Variants in PACRG observed in about 807,000 individuals in gnomAD.
The protein encoded by PACRG is parkin coregulated gene protein.
A neutral mutation model predicts 29.7 loss-of-function variants in PACRG; 29 were observed. That is an observed-to-expected ratio of 0.98 (90% CI 0.73 to 1.33). The LOEUF (loss-of-function observed/expected upper bound fraction) is 1.33. PACRG is among the 40% of genes most tolerant of loss of function. PACRG has a pLI of 0.00. For synonymous variants in PACRG, 116 were observed against 118.7 expected, an observed-to-expected ratio of 0.98 and a Z score of 0.15; for missense variants, 279 against 316.2, an observed-to-expected ratio of 0.88 and a Z score of 0.89.
chr6:162,881,961 T>TTG (rs369753081), intron 2 of PACRG, among the ~76,000 whole-genome samples: 1 of 59,954 alleles, frequency 1.7e-5, no homozygotes, highest in African/African-American at 7.1e-5. Context: ...CAGAGATGGG[T>TTG]GGGGGGGGGC....
chr6:163,234,990 C>T (rs184445729), intron 4 of PACRG, among the ~76,000 whole-genome samples: 27 of 152,068 alleles, frequency 1.8e-4, no homozygotes, highest in East Asian at 1.7e-3. Context: ...AGTTTTAAGA[C>T]GAAAAGACAC....
At chr6:163,020,981 G>A (rs1439053854) in intron 2 of PACRG, among the ~76,000 whole-genome samples, 1 of 152,082 alleles carries the variant, frequency 6.6e-6, no homozygotes, top group Non-Finnish European at 1.5e-5. Context: ...TTCATGACAC[G>A]ATCTCCTCCT....
chr6:163,150,262 G>A (rs1347097503), intron 4 of PACRG, among the ~76,000 whole-genome samples: 3 of 152,204 alleles, frequency 2.0e-5, no homozygotes, highest in Admixed American at 1.3e-4. Flanking sequence ...GATTCAGTAC[G>A]TTATCATAAA....
chr6:162,728,491 G>C, intron 1 of PACRG, 100 bp downstream of exon 1: 1 of 1,444,228 alleles, frequency 6.9e-7, no homozygotes, highest in South Asian at 1.3e-5. Context: ...GCCATGTCCT[G>C]GGTGGTCTTT....
chr6:163,231,148 G>A (rs1275375629), intron 4 of PACRG, among the ~76,000 whole-genome samples: 3 of 152,198 alleles, frequency 2.0e-5, no homozygotes, highest in African/African-American at 7.2e-5. Context: ...CTGGCAAGGT[G>A]GGCAGGCCCA....
At chr6:163,045,063 G>A (rs1205585895) in intron 2 of PACRG, among the ~76,000 whole-genome samples, 1 of 152,140 alleles carries the variant, frequency 6.6e-6, no homozygotes, top group East Asian at 1.9e-4. Flanking sequence ...GGAGGGAGCA[G>A]CCGTTGCGAA....
chr6:163,284,113 CA>C (rs577721431), intron 4 of PACRG, among the ~76,000 whole-genome samples: 30 of 143,530 alleles, frequency 2.1e-4, no homozygotes, highest in African/African-American at 2.6e-4. Flanking sequence ...AACTCTGTCT[CA>C]AAAAAAAAAA....
At chr6:162,857,044 C>T (rs1405756114) in intron 2 of PACRG, among the ~76,000 whole-genome samples, 3 of 152,182 alleles carry the variant, frequency 2.0e-5, no homozygotes, top group Non-Finnish European at 4.4e-5. Context: ...CCTTTGTTTT[C>T]AATCCCTGCT....
chr6:162,800,360 ATAATT>A (rs1478744638), intron 1 of PACRG, among the ~76,000 whole-genome samples: 1 of 152,218 alleles, frequency 6.6e-6, no homozygotes, highest in Non-Finnish European at 1.5e-5. Context: ...TTAAACAAAA[ATAATT>A]TAAAACAAAT....
At position 163,090,638 on chromosome 6, in the gene PACRG, TA is replaced by T. The variant is rs60917052; in HGVS notation, c.613+1231del. ...TTAAACAGTCTTCATTCATAGTTCA[TA>T]TTTTTACCATATAGTAGCAGCAAAT... On this transcript the variant is annotated intron_variant, in intron 4 of 4. Transcript: ENST00000366888. 3.6e-3 allele frequency among the ~76,000 whole-genome samples: 542 copies of T among 152,348 alleles called. 12 individuals carry two copies. The East Asian group carries it at 0.065, about 18-fold the overall frequency.
rs548671074 is a variant in PACRG at position 163,232,314 on chromosome 6, C to T, written c.614-82513C>T. Among the ~76,000 whole-genome samples the T allele has an allele frequency of 3.3e-5, 5 of 152,296 alleles. No homozygotes were observed. The East Asian group carries it at 9.7e-4, about 29-fold the overall frequency. The stretch of plus-strand genomic sequence containing the variant: ...CTGGGGCCTGGCTACTCCAGAGGCT[C>T]CTCCGCTGCTGCAATGTGCCCGAGC... On this transcript the variant is annotated intron_variant, in intron 4 of 4. Coordinates refer to ENST00000366888, the MANE Select transcript of PACRG (RefSeq NM_001080379.2).
At chr6:162,870,726 C>T (rs1792733949) in intron 2 of PACRG, among the ~76,000 whole-genome samples, 1 of 152,156 alleles carries the variant, frequency 6.6e-6, no homozygotes, top group Non-Finnish European at 1.5e-5. Context: ...AATAAAGCCA[C>T]CACAACTGAT....
At chr6:163,141,697 G>A (rs1464886874) in intron 4 of PACRG, among the ~76,000 whole-genome samples, 1 of 151,590 alleles carries the variant, frequency 6.6e-6, no homozygotes, top group African/African-American at 2.4e-5. Context: ...GAGAAAAGAG[G>A]GGCATCGTAG....
At chr6:162,807,218 TCCGTATCAG>T (rs1190623185) in intron 1 of PACRG, among the ~76,000 whole-genome samples, 1 of 152,200 alleles carries the variant, frequency 6.6e-6, no homozygotes, top group Non-Finnish European at 1.5e-5. Context: ...TCAAACTTTT[TCCGTATCAG>T]CAATAAGCCT....
At chr6:163,065,651 T>C (rs925633202) in intron 3 of PACRG, among the ~76,000 whole-genome samples, 4 of 152,162 alleles carry the variant, frequency 2.6e-5, no homozygotes, top group African/African-American at 9.7e-5. Flanking sequence ...ATCTGGCATA[T>C]GAACCAGAAG....
At chr6:162,804,044 G>A (rs1002547274) in intron 1 of PACRG, among the ~76,000 whole-genome samples, 2 of 151,990 alleles carry the variant, frequency 1.3e-5, no homozygotes, top group African/African-American at 2.4e-5. Context: ...TGGCAACATC[G>A]AAACATATTA....
chr6:162,937,435 G>A (rs1472586460), intron 2 of PACRG, among the ~76,000 whole-genome samples: 2 of 151,952 alleles, frequency 1.3e-5, no homozygotes, highest in Non-Finnish European at 2.9e-5. Context: ...AAAGAATGCG[G>A]GAGGATGCAG....
intron 4 of PACRG, among the ~76,000 whole-genome samples, chr6:163,129,743 C>CCTCACACTCAGTTGCCTTCCTAA (rs1816659447): frequency 6.6e-6 from 1 of 150,596 alleles, no homozygotes; most frequent in African/African-American, 2.5e-5. Context: ...AGGTATCCAA[C>CCTCACACTCAGTTGCCTTCCTAA]CTCACACTCA....
At chr6:162,813,859 A>G (rs1046921864) in intron 1 of PACRG, among the ~76,000 whole-genome samples, 1 of 152,182 alleles carries the variant, frequency 6.6e-6, no homozygotes, top group Non-Finnish European at 1.5e-5. Flanking sequence ...TTTCACAAAC[A>G]TAATATCAGT....
Sources: allele counts gnomAD v4.1 joint callset (sites outside exome capture counted in the v4.1 genomes callset), GRCh38; gene constraint gnomAD v4.1.1; transcripts MANE v1.5; gene names NCBI Gene and HGNC (gene_info 2026-07-23, HGNC 2026-07-21).